PIGN: variants seen among roughly 807,000 people sequenced by gnomAD.
The protein encoded by PIGN is phosphatidylinositol glycan anchor biosynthesis class N.
PIGN carries 117 observed loss-of-function variants against 125.4 expected under a neutral mutation model. The observed-to-expected ratio is 0.93, with a 90% confidence interval of 0.80 to 1.09. The LOEUF is 1.09. Ranked by LOEUF, PIGN falls within the 50% of genes least tolerant of loss-of-function variation. The pLI, the probability that PIGN is intolerant of heterozygous loss-of-function variation, is 0.00. For synonymous variants in PIGN, 392 were observed against 377.8 expected (o/e 1.04, Z -0.44); for missense variants, 1,075 against 1,094.9 (o/e 0.98, Z 0.26).
intron 21 of PIGN, among the ~76,000 whole-genome samples, chr18:62,102,223 AT>A (rs1442529275): frequency 6.6e-6 from 1 of 150,512 alleles, no homozygotes; most frequent in Non-Finnish European, 1.5e-5. Flanking sequence ...GTAAGACCTC[AT>A]TTCAAAAAAA....
chr18:62,157,983 G>C (rs1161012854), intron 4 of PIGN, 175 bp from the exon 5 acceptor site: 4 of 544,752 alleles, frequency 7.3e-6, no homozygotes, highest in Non-Finnish European at 1.3e-5. Flanking sequence ...GCATCTACCA[G>C]CTGAATGCAG....
intron 14 of PIGN, among the ~76,000 whole-genome samples, chr18:62,128,035 G>A (rs1036627336): frequency 2.4e-4 from 36 of 151,760 alleles, no homozygotes; most frequent in African/African-American, 8.7e-4. Context: ...TCTAACTCTT[G>A]GTTTAGGATA....
intron 30 of PIGN, among the ~76,000 whole-genome samples, chr18:62,061,676 G>A (rs1347129823): frequency 1.3e-5 from 2 of 152,158 alleles, no homozygotes; most frequent in Non-Finnish European, 2.9e-5. Flanking sequence ...AACCAGTGCA[G>A]GAGCACAATT....
chr18:62,086,825 G>C (rs905168739), intron 25 of PIGN, among the ~76,000 whole-genome samples: 1 of 152,042 alleles, frequency 6.6e-6, no homozygotes, highest in Non-Finnish European at 1.5e-5. Context: ...TGATGCAGTG[G>C]GAATGAAGAT....
chr18:62,019,393 A>G (rs2030024178), intron 23 of PIGN, among the ~76,000 whole-genome samples: 2 of 152,290 alleles, frequency 1.3e-5, no homozygotes, highest in Non-Finnish European at 1.5e-5. Flanking sequence ...TACTTCTTAG[A>G]CTAACAAAAC....
intron 6 of PIGN, among the ~76,000 whole-genome samples, chr18:62,155,426 G>A (rs2036690976): frequency 6.6e-6 from 1 of 152,024 alleles, no homozygotes; most frequent in Non-Finnish European, 1.5e-5. Flanking sequence ...AAAATTAGCT[G>A]GGTGTGGTGG....
intron 7 of PIGN, among the ~76,000 whole-genome samples, chr18:62,150,485 G>C (rs2147354904): frequency 6.6e-6 from 1 of 152,278 alleles, no homozygotes; most frequent in South Asian, 2.1e-4. Context: ...TAGAGAAGAA[G>C]ATGCATGAAC....
At chr18:62,177,699 G>A (rs1198933282) in intron 1 of PIGN, among the ~76,000 whole-genome samples, 1 of 152,084 alleles carries the variant, frequency 6.6e-6, no homozygotes, top group African/African-American at 2.4e-5. Flanking sequence ...GAAGGGTTCA[G>A]CCTTTTGTTT....
At position 62,157,157 on chromosome 18, in the gene PIGN, G is replaced by C. The variant is rs780427906; in HGVS notation, c.414C>G (p.Ser138Arg). 15 of 1,606,122 alleles carry C rather than the reference G, an allele frequency of 9.3e-6. No homozygotes were observed. In the South Asian group the frequency reaches 1.6e-4, roughly 17 times the overall value. Reference sequence around the variant, plus strand: ...TGGCAAACATAGGCAGGATATCTGGGCTTCCCCAGCTCCATGTGTATTTAC... The same window carrying C: ...TGGCAAACATAGGCAGGATATCTGGCCTTCCCCAGCTCCATGTGTATTTAC... ...NESKYTWSWGSPDILPMFAKG... is the reference protein window; with the variant it reads ...NESKYTWSWGRPDILPMFAKG... Residue 138 changes from serine (S) to arginine (R), a missense_variant, in exon 6 of 31, where the codon AGC (serine) becomes AGG (arginine). Ser to Arg is a moderately radical substitution (Grantham distance 110, BLOSUM62 -1). Around this residue, in one of 3 missense-constraint regions of PIGN, gnomAD observed 8 missense variants for 23.3 expected, o/e 0.34. Coordinates refer to ENST00000640252, the MANE Select transcript of PIGN (RefSeq NM_176787.5).
chr18:62,116,133 T>G (rs1414262346), intron 14 of PIGN, among the ~76,000 whole-genome samples: 1 of 152,182 alleles, frequency 6.6e-6, no homozygotes, highest in African/African-American at 2.4e-5. Context: ...ACAAGTTACT[T>G]TAAAATGTTG....
At chr18:62,186,647 T>C (rs1267687146) in intron 1 of PIGN, among the ~76,000 whole-genome samples, 197 bp downstream of exon 1, 3 of 152,148 alleles carry the variant, frequency 2.0e-5, no homozygotes, top group Non-Finnish European at 4.4e-5. Context: ...TGTGCAAGCA[T>C]GTGGCAGAGA....
chr18:62,160,449 A>T lies in PIGN; in HGVS notation c.221+684T>A, dbSNP rs570831798. ...TTTGAAGTCTATATTTTGTACTTAA[A>T]CATCATTGAAATTAGTAATTCATTA... On this transcript the variant is annotated intron_variant, in intron 4 of 30. Coordinates refer to ENST00000640252, the MANE Select transcript of PIGN (RefSeq NM_176787.5). Among the ~76,000 whole-genome samples the T allele has an allele frequency of 2.6e-5, 4 of 152,144 alleles. No individual in the cohort carries two copies. The South Asian group carries it at 8.3e-4, about 31-fold the overall frequency.
At chr18:62,067,739 G>A (rs143231133) in intron 30 of PIGN, among the ~76,000 whole-genome samples, 170 of 152,250 alleles carry the variant, frequency 1.1e-3, no homozygotes, top group Middle Eastern at 3.4e-3. Context: ...TGAACATTTG[G>A]GTTGTTTCAA....
intron 17 of PIGN, among the ~76,000 whole-genome samples, chr18:62,108,562 T>C (rs1416535653): frequency 1.3e-5 from 2 of 151,262 alleles, no homozygotes; most frequent in African/African-American, 4.8e-5. Context: ...TTAAGCATTT[T>C]AATATTAATA....
intron 23 of PIGN, among the ~76,000 whole-genome samples, chr18:62,035,735 T>C (rs539201137): frequency 1.7e-4 from 26 of 151,882 alleles, no homozygotes; most frequent in African/African-American, 6.0e-4. Context: ...GTCCAAGTGT[T>C]CTCATTGTTC....
At chr18:62,137,370 C>T (rs751108497) in intron 14 of PIGN, 111 of 364,624 alleles carry the variant, frequency 3.0e-4, no homozygotes, top group African/African-American at 1.9e-3. Flanking sequence ...ATATTGCAGA[C>T]GGTCTATTCT....
At position 62,046,062 on chromosome 18, in the gene PIGN, G is replaced by A. The variant is rs907287393; in HGVS notation, c.2673-83C>T. 3.5e-5 allele frequency: 49 copies of A among 1,407,816 alleles called. No individual in the cohort carries two copies. In the African/African-American group the frequency reaches 6.3e-4, roughly 18 times the overall value. 87.2% of individuals were successfully genotyped at this position (1,407,816 alleles called of 1,614,324 possible). A position where few individuals can be genotyped will look rare whatever the true frequency, so the allele number is the denominator to read the frequency against. On this transcript the variant is annotated intron_variant, in intron 30 of 30. Transcript: ENST00000640252. ...AGATTCCTCTGAATGGTTTTAAATGGACAGATGAAAATCTCCACTTTCAGG... is the reference window on the plus strand; with the variant it reads ...AGATTCCTCTGAATGGTTTTAAATGAACAGATGAAAATCTCCACTTTCAGG...
Position 62,144,916 on chromosome 18 carries a change from C to G in PIGN, c.922+993G>C, listed in dbSNP as rs926430307. Reference sequence around the variant, plus strand: ...AGGAGTTCCAGGCTGTAGTGAGCTACGACTGGCCTGTGAACCTGTGAACAG... The same window carrying G: ...AGGAGTTCCAGGCTGTAGTGAGCTAGGACTGGCCTGTGAACCTGTGAACAG... On this transcript the variant is annotated intron_variant, in intron 10 of 30. Coordinates refer to ENST00000640252, the MANE Select transcript of PIGN (RefSeq NM_176787.5). Among the ~76,000 whole-genome samples the G allele has an allele frequency of 1.3e-4, 19 of 150,956 alleles. 2 individuals are homozygous for G. The highest frequency in any genetic ancestry group is 4.6e-4 in the African/African-American group (19 of 41,212).
intron 14 of PIGN, among the ~76,000 whole-genome samples, chr18:62,119,437 T>C (rs1408675807): frequency 6.6e-6 from 1 of 152,184 alleles, no homozygotes; most frequent in Non-Finnish European, 1.5e-5. Context: ...AAAATCAAAA[T>C]GGAAGTTCTA....
Sources: gnomAD v4.1 joint callset for allele counts (sites outside exome capture counted in the v4.1 genomes callset) on GRCh38, gnomAD v4.1.1 for gene constraint, gnomAD v4.1.1 regional missense constraint, MANE v1.5 for transcripts, NCBI Gene and HGNC (gene_info 2026-07-23, HGNC 2026-07-21) for gene names.